CDK19: variants seen among roughly 807,000 people sequenced by gnomAD.
The protein encoded by CDK19 is cyclin dependent kinase 19, also known as cyclin-dependent kinase 19.
In CDK19, 20 loss-of-function variants were observed where a neutral mutation model predicts 68.3. That is an observed-to-expected ratio of 0.29 (90% CI 0.21 to 0.43). The LOEUF is 0.43. Among genes scored for constraint, CDK19 ranks in the 20% least tolerant of loss-of-function variants. CDK19 has a pLI of 1.00. For missense variants in CDK19, 339 were observed against 623.5 expected (o/e 0.54, Z 4.86); for synonymous variants, 221 against 222.8 (o/e 0.99, Z 0.07).
chr6:110,674,310 C>T (rs1010843831), intron 2 of CDK19, among the ~76,000 whole-genome samples: 1 of 152,154 alleles, frequency 6.6e-6, no homozygotes, highest in Non-Finnish European at 1.5e-5. Context: ...ACTAATAAAA[C>T]TACAATGGCC....
intron 1 of CDK19, among the ~76,000 whole-genome samples, chr6:110,790,997 C>A (rs1781554736): frequency 2.0e-5 from 3 of 151,956 alleles, no homozygotes; most frequent in African/African-American, 7.3e-5. Flanking sequence ...TGGTGTAACC[C>A]CGTCTCTACT....
intron 4 of CDK19, among the ~76,000 whole-genome samples, chr6:110,641,646 A>AAAGGAAGGAAGGAAGGAAGGAAGG (rs71553305): frequency 2.1e-4 from 27 of 131,434 alleles, no homozygotes; most frequent in Non-Finnish European, 2.9e-4. Context: ...AAAGGGAAAG[A>AAAGGAAGGAAGGAAGGAAGGAAGG]AAGGAAGGAA....
At chr6:110,694,469 C>T (rs1472682255) in intron 2 of CDK19, among the ~76,000 whole-genome samples, 1 of 152,000 alleles carries the variant, frequency 6.6e-6, no homozygotes, top group Non-Finnish European at 1.5e-5. Flanking sequence ...TATCACAATC[C>T]TAAAGATATA....
chr6:110,614,749 T>A (rs1778203843), intron 12 of CDK19, 83 bp from the exon 13 acceptor site: 1 of 1,411,002 alleles, frequency 7.1e-7, no homozygotes, highest in African/African-American at 1.4e-5. Context: ...GATAGAGATA[T>A]AAGCCGTTTT....
intron 12 of CDK19, among the ~76,000 whole-genome samples, chr6:110,617,506 G>A (rs904994401): frequency 2.0e-5 from 3 of 151,900 alleles, no homozygotes; most frequent in South Asian, 2.1e-4. Flanking sequence ...ATTTCTGGCC[G>A]GGCACAGTGG....
intron 4 of CDK19, 74 bp downstream of exon 4, chr6:110,667,360 G>T (rs1457885818): frequency 7.2e-6 from 7 of 966,742 alleles, no homozygotes; most frequent in East Asian, 2.9e-5. Context: ...TATTATAATG[G>T]TACCAAGAAG....
chr6:110,674,541 C>A (rs906689809), intron 2 of CDK19, among the ~76,000 whole-genome samples: 7 of 152,140 alleles, frequency 4.6e-5, no homozygotes, highest in Non-Finnish European at 8.8e-5. Context: ...AGCAAAACAG[C>A]CTTATTGTGG....
intron 1 of CDK19, among the ~76,000 whole-genome samples, chr6:110,769,978 C>T (rs1243311271): frequency 6.6e-6 from 1 of 152,020 alleles, no homozygotes; most frequent in Non-Finnish European, 1.5e-5. Context: ...AAAATAGCCA[C>T]TGAAAAAAGT....
intron 2 of CDK19, among the ~76,000 whole-genome samples, chr6:110,671,548 A>T (rs1178234565): frequency 1.3e-5 from 2 of 152,222 alleles, no homozygotes. Context: ...CAATTTTATG[A>T]TGCACACAGA....
intron 1 of CDK19, among the ~76,000 whole-genome samples, chr6:110,762,003 T>G (rs538904760): frequency 9.2e-5 from 14 of 152,290 alleles, no homozygotes; most frequent in Non-Finnish European, 1.6e-4. Flanking sequence ...ACTGCTGCCC[T>G]GACTGTGCTA....
intron 2 of CDK19, among the ~76,000 whole-genome samples, chr6:110,737,717 C>G (rs988234578): frequency 6.6e-6 from 1 of 152,148 alleles, no homozygotes; most frequent in African/African-American, 2.4e-5. Context: ...CAAACTCTTA[C>G]AAGATTTCAT....
intron 2 of CDK19, among the ~76,000 whole-genome samples, chr6:110,679,218 A>G (rs1012422809): frequency 6.6e-6 from 1 of 151,946 alleles, no homozygotes; most frequent in Non-Finnish European, 1.5e-5. Context: ...AGGGAGGCTG[A>G]GGTACGAGGA....
intron 1 of CDK19, among the ~76,000 whole-genome samples, chr6:110,810,877 C>T (rs1181365839): frequency 6.6e-6 from 1 of 151,880 alleles, no homozygotes; most frequent in Non-Finnish European, 1.5e-5. Flanking sequence ...TGATAATTTC[C>T]CTTTTCCATA....
rs576407400 is a variant in CDK19, at chr6:110,715,502, T to C, written c.204+30624A>G. On this transcript the variant is annotated intron_variant, in intron 2 of 12. Coordinates refer to ENST00000368911, the MANE Select transcript of CDK19 (RefSeq NM_015076.5). ...GTATTCAGTTCTTTGGCAGAAACTTTTTTTTTTGAGACTAGTCGCTCTGTT... is the reference window on the plus strand; with the variant it reads ...GTATTCAGTTCTTTGGCAGAAACTTCTTTTTTTGAGACTAGTCGCTCTGTT... Among the ~76,000 whole-genome samples, 7 of 152,324 alleles carry C rather than the reference T, an allele frequency of 4.6e-5. No homozygotes were observed. The South Asian group carries it at 1.4e-3, about 32-fold the overall frequency.
intron 4 of CDK19, among the ~76,000 whole-genome samples, chr6:110,640,367 G>C (rs957723680): frequency 6.6e-6 from 1 of 152,048 alleles, no homozygotes; most frequent in African/African-American, 2.4e-5. Context: ...GTTTACAGGA[G>C]AGGATGAGGG....
chr6:110,742,084 C>CA (rs1386016184), intron 2 of CDK19, among the ~76,000 whole-genome samples: 1 of 152,124 alleles, frequency 6.6e-6, no homozygotes, highest in Non-Finnish European at 1.5e-5. Context: ...ATGTAAAGGA[C>CA]AAATACATAA....
intron 2 of CDK19, among the ~76,000 whole-genome samples, chr6:110,737,067 C>T (rs1046315188): frequency 2.6e-5 from 4 of 152,138 alleles, no homozygotes; most frequent in African/African-American, 9.7e-5. Flanking sequence ...CATAAGCCAC[C>T]AATTCTTCAA....
At chr6:110,796,527 A>T (rs1242540156) in intron 1 of CDK19, among the ~76,000 whole-genome samples, 2 of 151,566 alleles carry the variant, frequency 1.3e-5, no homozygotes, top group African/African-American at 4.9e-5. Context: ...GGTGGCATGC[A>T]CCTTCCAGCT....
chr6:110,737,956 A>G (rs1196856494), intron 2 of CDK19, among the ~76,000 whole-genome samples: 3 of 152,184 alleles, frequency 2.0e-5, no homozygotes, highest in African/African-American at 7.2e-5. Flanking sequence ...GAAATTTCAC[A>G]TTTACTTAGT....
Sources: gnomAD v4.1 joint callset for allele counts (sites outside exome capture counted in the v4.1 genomes callset) on GRCh38, gnomAD v4.1.1 for gene constraint, MANE v1.5 for transcripts, NCBI Gene and HGNC (gene_info 2026-07-23, HGNC 2026-07-21) for gene names.